RAB2A: variants seen among roughly 807,000 people sequenced by gnomAD.
The protein encoded by RAB2A is ras-related protein Rab-2A.
A neutral mutation model predicts 32.5 loss-of-function variants in RAB2A; 7 were observed. The observed-to-expected ratio is 0.22, with a 90% confidence interval of 0.12 to 0.40. The LOEUF is 0.40. Ranked by LOEUF, RAB2A falls within the 10% of genes least tolerant of loss-of-function variation. The pLI is 1.00. For synonymous variants in RAB2A, 79 were observed against 85.2 expected (o/e 0.93, Z 0.40); for missense variants, 108 against 260.7 (o/e 0.41, Z 4.03).
intron 3 of RAB2A, among the ~76,000 whole-genome samples, chr8:60,578,302 A>T (rs1803676454): frequency 1.3e-5 from 2 of 152,242 alleles, no homozygotes; most frequent in African/African-American, 4.8e-5. Context: ...ATTGTATCTA[A>T]TCAATAGTAT....
chr8:60,582,780 C>A (rs140328535), intron 3 of RAB2A, among the ~76,000 whole-genome samples: 4 of 152,262 alleles, frequency 2.6e-5, no homozygotes, highest in African/African-American at 9.6e-5. Context: ...AAAAATCAGA[C>A]CTTGGCAGTG....
chr8:60,604,125 A>G (rs1174726866), intron 6 of RAB2A, among the ~76,000 whole-genome samples: 1 of 152,138 alleles, frequency 6.6e-6, no homozygotes, highest in East Asian at 1.9e-4. Flanking sequence ...GTTTAAAAGC[A>G]TGTAGTACCT....
At chr8:60,586,942 A>AG (rs1803861262) in intron 5 of RAB2A, among the ~76,000 whole-genome samples, 1 of 151,832 alleles carries the variant, frequency 6.6e-6, no homozygotes, top group South Asian at 2.1e-4. Flanking sequence ...AGAAAAAAAA[A>AG]AAAAAAAAAA....
chr8:60,575,098 T>TTG (rs1554555779), intron 3 of RAB2A, among the ~76,000 whole-genome samples: 2 of 149,428 alleles, frequency 1.3e-5, no homozygotes, highest in Non-Finnish European at 3.0e-5. Context: ...TGGGGGTTTT[T>TTG]TTTTTTTTTT....
chr8:60,557,465 G>A (rs1807956740), intron 1 of RAB2A, among the ~76,000 whole-genome samples: 1 of 152,112 alleles, frequency 6.6e-6, no homozygotes, highest in African/African-American at 2.4e-5. Context: ...GCAGTGAGCT[G>A]AGATCAAGCC....
At chr8:60,564,129 CT>C (rs1244566690) in intron 2 of RAB2A, among the ~76,000 whole-genome samples, 2 of 152,174 alleles carry the variant, frequency 1.3e-5, no homozygotes, top group African/African-American at 4.8e-5. Flanking sequence ...CGATATCATA[CT>C]TTCTTGCTCT....
At chr8:60,564,763 A>G (rs1398364333) in intron 2 of RAB2A, among the ~76,000 whole-genome samples, 2 of 152,242 alleles carry the variant, frequency 1.3e-5, no homozygotes, top group East Asian at 1.9e-4. Flanking sequence ...ATATAAGTAA[A>G]TAGATTTTCC....
At position 60,521,775 on chromosome 8, in the gene RAB2A, C is replaced by T. The variant is rs978599278; in HGVS notation, c.46+4522C>T. Among the ~76,000 whole-genome samples, 6 of 152,284 alleles carry T rather than the reference C, an allele frequency of 3.9e-5. No homozygotes were observed. The South Asian group carries it at 6.2e-4, about 16-fold the overall frequency. On this transcript the variant is annotated intron_variant, in intron 1 of 7. Transcript: ENST00000262646. The stretch of plus-strand genomic sequence containing the variant: ...AGCTGGGATTACAGGCGTCTGCCCC[C>T]ACGCCCAGCTGATTTTTGTATTTTT...
At chr8:60,521,632 T>A (rs1807303851) in intron 1 of RAB2A, among the ~76,000 whole-genome samples, 1 of 152,182 alleles carries the variant, frequency 6.6e-6, no homozygotes, top group African/African-American at 2.4e-5. Flanking sequence ...TTTGTTTCTT[T>A]TTTTTGAGAT....
intron 2 of RAB2A, chr8:60,569,964 A>G (rs946682109): frequency 6.6e-6 from 3 of 456,188 alleles, no homozygotes; most frequent in Admixed American, 4.7e-5. Context: ...GGAACAAAGC[A>G]TCTTGGAGCC....
chr8:60,547,842 A>C (rs1410003376), intron 1 of RAB2A, among the ~76,000 whole-genome samples: 3 of 86,258 alleles, frequency 3.5e-5, no homozygotes, highest in Admixed American at 2.3e-4. Context: ...TGACCCCCCC[A>C]CCTCCCTCCT....
In RAB2A at chr8:60,547,676, G is replaced by A. The variant is rs62510244; in HGVS notation, c.47-11176G>A. On this transcript the variant is annotated intron_variant, in intron 1 of 7. Coordinates refer to ENST00000262646, the MANE Select transcript of RAB2A (RefSeq NM_002865.3). ...GGGCTGACCCCCCCACCTCCCTCCC[G>A]GACGGGGCGGCTGGCCGGGCGGGGG... 2.1e-3 allele frequency among the ~76,000 whole-genome samples: 158 copies of A among 76,982 alleles called. 1 individual carries two copies. Among genetic ancestry groups the A allele is most frequent in the South Asian group, 6.5e-3 (14 of 2,144 alleles). 50.5% of individuals were successfully genotyped at this position (76,982 alleles called of 152,430 possible).
intron 1 of RAB2A, among the ~76,000 whole-genome samples, chr8:60,521,244 T>G (rs1236592224): frequency 6.6e-6 from 1 of 152,126 alleles, no homozygotes; most frequent in Non-Finnish European, 1.5e-5. Context: ...AGGCACTAGG[T>G]GATGTTTCAG....
At chr8:60,608,594 C>A (rs931737519) in intron 6 of RAB2A, among the ~76,000 whole-genome samples, 3 of 146,070 alleles carry the variant, frequency 2.1e-5, no homozygotes, top group African/African-American at 7.6e-5. Flanking sequence ...TCCCTCCCTC[C>A]CTCCCTCTTC....
rs1178120023 is a variant in RAB2A at position 60,517,137 on chromosome 8, G to C, written c.-71G>C. 1.5e-5 allele frequency: 22 copies of C among 1,436,590 alleles called. No individual in the cohort carries two copies. The highest frequency in any genetic ancestry group is 2.7e-5 in the South Asian group (2 of 72,836). 89.0% of individuals were successfully genotyped at this position (1,436,590 alleles called of 1,614,324 possible). ...GGCGTTTCGAGGCTGAGCGGCACCG[G>C]GGTTGGGGCGCGGAGGAGGAGCAGC... On this transcript the variant is annotated 5_prime_UTR_variant, in exon 1 of 8. Coordinates refer to ENST00000262646, the MANE Select transcript of RAB2A (RefSeq NM_002865.3).
intron 6 of RAB2A, among the ~76,000 whole-genome samples, chr8:60,615,382 T>C (rs1804432158): frequency 6.6e-6 from 1 of 152,222 alleles, no homozygotes; most frequent in South Asian, 2.1e-4. Context: ...GTGAAGAACA[T>C]TAGTACTGCC....
At chr8:60,530,108 C>T (rs1446941465) in intron 1 of RAB2A, among the ~76,000 whole-genome samples, 1 of 150,890 alleles carries the variant, frequency 6.6e-6, no homozygotes, top group East Asian at 2.0e-4. Context: ...GCTGAGGTCA[C>T]AGGCACATGC....
At chr8:60,603,022 T>C (rs1804161925) in intron 6 of RAB2A, among the ~76,000 whole-genome samples, 1 of 152,182 alleles carries the variant, frequency 6.6e-6, no homozygotes, top group South Asian at 2.1e-4. Flanking sequence ...ATAAGGCAGG[T>C]ATTCTAATGA....
At chr8:60,581,946 CT>C (rs386412883) in intron 3 of RAB2A, among the ~76,000 whole-genome samples, 356 of 140,292 alleles carry the variant, frequency 2.5e-3, no homozygotes, top group Non-Finnish European at 2.7e-3. Flanking sequence ...GTTTTTCTTT[CT>C]TTTTTTTTTT....
Sources: gnomAD v4.1 joint callset for allele counts (sites outside exome capture counted in the v4.1 genomes callset) on GRCh38, gnomAD v4.1.1 for gene constraint, MANE v1.5 for transcripts, NCBI Gene and HGNC (gene_info 2026-07-23, HGNC 2026-07-21) for gene names.